Variants in NBPF15 observed in about 807,000 individuals in gnomAD.
The protein encoded by NBPF15 is NBPF family member NBPF15.
A neutral mutation model predicts 62.2 loss-of-function variants in NBPF15; 74 were observed. The ratio of observed to expected loss-of-function variants is 1.19; its 90% confidence interval spans 0.99 to 1.44. NBPF15 has a LOEUF of 1.44. NBPF15 is among the 40% of genes most tolerant of loss of function. The pLI is 0.00. For missense variants in NBPF15, 790 were observed against 550.0 expected, an observed-to-expected ratio of 1.44 and a Z score of -4.36; for synonymous variants, 244 against 209.7, an observed-to-expected ratio of 1.16 and a Z score of -1.41.
chr1:144,422,898 T>G lies in NBPF15; in HGVS notation c.*115A>C. On this transcript the variant is annotated 3_prime_UTR_variant, in exon 22 of 22. Coordinates refer to ENST00000581897, the MANE Select transcript of NBPF15 (RefSeq NM_001385408.1). ...TTTGAGAATAGGAATAGAGCCATGCTCACTGACCCATCCTATGTCTGGGCT... is the reference window on the plus strand; with the variant it reads ...TTTGAGAATAGGAATAGAGCCATGCGCACTGACCCATCCTATGTCTGGGCT... 6.2e-7 allele frequency: 1 copy of G among 1,607,172 alleles called. No homozygotes were observed. The highest frequency in any genetic ancestry group is 8.5e-7 in the Non-Finnish European group (1 of 1,177,568).
chr1:144,423,105 T>A lies in NBPF15; in HGVS notation c.1921A>T (p.Ser641Cys). Residue 641 changes from serine (S) to cysteine (C), a missense_variant, in exon 22 of 22, where the codon AGC (serine) becomes TGC (cysteine). Transcript: ENST00000581897. ...CTATTGTCCACGTAAAGGGCGAAGC[T>A]GATATGCTCTTCCTCAAATGAGTAA... ...VFYSFEEEHI[S>C]FALYVDNRFF... is the part of the protein sequence containing the mutation. The A allele has an allele frequency of 6.2e-7, 1 of 1,611,672 alleles. No homozygotes were observed. The highest frequency in any genetic ancestry group is 8.5e-7 in the Non-Finnish European group (1 of 1,179,628).
intron 17 of NBPF15, 37 bp downstream of exon 17, chr1:144,427,010 A>C (rs1670228933): frequency 1.3e-6 from 1 of 761,164 alleles, no homozygotes; most frequent in Admixed American, 1.7e-5. Flanking sequence ...TCCAGGTGTC[A>C]ACACACAATT....
At chr1:144,429,214 A>C (rs1339823517) in intron 14 of NBPF15, among the ~76,000 whole-genome samples, 2 of 150,468 alleles carry the variant, frequency 1.3e-5, no homozygotes, top group South Asian at 4.2e-4. Flanking sequence ...CTTAGAAGAC[A>C]CAGAAAATGG....
At position 144,461,512 on chromosome 1, in the gene NBPF15, T is replaced by G. The variant is rs1653075733; in HGVS notation, c.-1069A>C. The G allele has an allele frequency of 6.5e-6, 1 of 152,884 alleles. No individual in the cohort carries two copies. The highest frequency in any genetic ancestry group is 2.1e-4 in the South Asian group (1 of 4,828). The allele number at this position is 152,884 out of a possible 1,614,324, so 9.5% of individuals were successfully genotyped here. ...CGCTCCTGGCGCCACAGGTCGCCCG[T>G]CCCGCGTTCCCAAAAGCACCGCGTT... is the stretch of plus-strand genomic sequence containing the variant. On this transcript the variant is annotated 5_prime_UTR_variant, in exon 1 of 22. Coordinates refer to ENST00000581897, the MANE Select transcript of NBPF15 (RefSeq NM_001385408.1).
At chr1:144,455,113 A>AAGGAAGGAAGGAAGGAAGGAAGGAAGGG (rs1206493458) in intron 4 of NBPF15, among the ~76,000 whole-genome samples, 1 of 133,366 alleles carries the variant, frequency 7.5e-6, no homozygotes, top group South Asian at 2.7e-4. Context: ...GGAAGGAAGG[A>AAGGAAGGAAGGAAGGAAGGAAGGAAGGG]AGGGAGGGAG....
intron 4 of NBPF15, 110 bp downstream of exon 4, chr1:144,456,427 G>A (rs1219053120): frequency 1.0e-5 from 8 of 793,718 alleles, no homozygotes; most frequent in East Asian, 6.6e-5. Flanking sequence ...TTCATGCCAG[G>A]CAAGGCCCTG....
chr1:144,431,546 G>C lies in NBPF15; in HGVS notation c.825-1683C>G, dbSNP rs1276103547. ...TTAGGGTACATGTGCACAACGTGCA[G>C]GTTAGTTACATATGTATACATGTCC... On this transcript the variant is annotated intron_variant, in intron 13 of 21. Coordinates refer to ENST00000581897, the MANE Select transcript of NBPF15 (RefSeq NM_001385408.1). 4.7e-5 allele frequency among the ~76,000 whole-genome samples: 7 copies of C among 149,052 alleles called. No homozygotes were observed. The East Asian group carries it at 1.4e-3, about 29-fold the overall frequency.
At chr1:144,433,015 C>T (rs4531337) in intron 13 of NBPF15, among the ~76,000 whole-genome samples, 1 of 151,922 alleles carries the variant, frequency 6.6e-6, no homozygotes, top group African/African-American at 2.4e-5. Context: ...CTTCTCAGCA[C>T]CACATCACAC....
chr1:144,425,061 C>CAT (rs1668653565), intron 19 of NBPF15, among the ~76,000 whole-genome samples, 199 bp from the exon 20 acceptor site: 1 of 44,642 alleles, frequency 2.2e-5, no homozygotes, highest in Non-Finnish European at 6.2e-5. Flanking sequence ...GACAGATAGA[C>CAT]ACACACACAC....
At chr1:144,432,106 C>T (rs1359926891) in intron 13 of NBPF15, among the ~76,000 whole-genome samples, 3 of 152,068 alleles carry the variant, frequency 2.0e-5, no homozygotes, top group Non-Finnish European at 4.4e-5. Context: ...TACAGTCCCA[C>T]CAACAGTGTA....
chr1:144,444,025 G>T (rs1460556917), intron 6 of NBPF15, among the ~76,000 whole-genome samples: 1 of 151,862 alleles, frequency 6.6e-6, no homozygotes, highest in Admixed American at 6.6e-5. Context: ...CTTCTTTCAT[G>T]CATCAATGTA....
At position 144,435,113 on chromosome 1, in the gene NBPF15, G is replaced by A. The variant is rs1677259439; in HGVS notation, c.770C>T (p.Pro257Leu). The A allele has an allele frequency of 2.5e-6, 4 of 1,612,586 alleles. No homozygotes were observed. The highest frequency in any genetic ancestry group is 2.2e-5 in the South Asian group (2 of 91,014). The change falls in exon 12 of 22, where the codon CCA becomes CTA. Residue 257 changes from proline (P) to leucine (L), a missense_variant and splice_region_variant. Pro to Leu is a moderately conservative substitution (Grantham distance 98). Transcript: ENST00000581897. ...GACACAAGGAAAACAGAGGCTACCT[G>A]GAATAATGTGTACAGCATCCTCCCA... is the stretch of plus-strand genomic sequence containing the variant. ...VEWEDAVHII[P>L]ENESDDEEEE...
intron 5 of NBPF15, among the ~76,000 whole-genome samples, chr1:144,449,530 C>G (rs1239456418): frequency 6.3e-4 from 95 of 150,406 alleles, no homozygotes; most frequent in Admixed American, 1.1e-3. Flanking sequence ...CACAAAACAA[C>G]ATGGATGAAT....
At chr1:144,446,549 G>C (rs1687672433) in intron 6 of NBPF15, among the ~76,000 whole-genome samples, 1 of 152,200 alleles carries the variant, frequency 6.6e-6, no homozygotes, top group Non-Finnish European at 1.5e-5. Context: ...AATGTTACCT[G>C]TGGGTTCTTC....
Position 144,423,106 on chromosome 1 carries a change from G to C in NBPF15, c.1920C>G (p.Ile640Met). 8.1e-6 allele frequency: 13 copies of C among 1,611,644 alleles called. No homozygotes were observed. Among genetic ancestry groups the C allele is most frequent in the Non-Finnish European group, 1.1e-5 (13 of 1,179,626 alleles). ...TATTGTCCACGTAAAGGGCGAAGCTGATATGCTCTTCCTCAAATGAGTAAA... is the reference window on the plus strand; with the variant it reads ...TATTGTCCACGTAAAGGGCGAAGCTCATATGCTCTTCCTCAAATGAGTAAA... ...SVFYSFEEEHISFALYVDNRF... is the reference protein window; with the variant it reads ...SVFYSFEEEHMSFALYVDNRF... Residue 640 changes from isoleucine (I) to methionine (M), a missense_variant, in exon 22 of 22, where the codon ATC becomes ATG. Physicochemically the swap from Ile to Met is conservative, Grantham distance 10. Coordinates refer to ENST00000581897, the MANE Select transcript of NBPF15 (RefSeq NM_001385408.1).
chr1:144,436,187 C>T lies in NBPF15; in HGVS notation c.494-334G>A, dbSNP rs1678162957. On this transcript the variant is annotated intron_variant, in intron 10 of 21. Coordinates refer to ENST00000581897, the MANE Select transcript of NBPF15 (RefSeq NM_001385408.1). ...TGATTCCCAGGCACAGGCTTGGTGT[C>T]CCGTCACAGTTTGCATTTCAAACCT... Among the ~76,000 whole-genome samples the T allele has an allele frequency of 2.6e-5, 4 of 152,066 alleles. No individual in the cohort carries two copies. In the South Asian group the frequency reaches 6.2e-4, roughly 24 times the overall value.
At position 144,422,757 on chromosome 1, in the gene NBPF15, T is replaced by A; in HGVS notation, c.*256A>T. On this transcript the variant is annotated 3_prime_UTR_variant, in exon 22 of 22. Transcript: ENST00000581897. The stretch of plus-strand genomic sequence containing the variant: ...TTGTAGCTACCCAGAGATACGTGGT[T>A]CAAATTAAAATGTCTGACTGATCAC... The A allele has an allele frequency of 1.2e-6, 1 of 834,074 alleles. No homozygotes were observed. Among genetic ancestry groups the A allele is most frequent in the Non-Finnish European group, 1.8e-6 (1 of 552,644 alleles). The allele number at this position is 834,074 out of a possible 1,614,324, so 51.7% of individuals were successfully genotyped here.
intron 6 of NBPF15, among the ~76,000 whole-genome samples, chr1:144,443,558 A>T (rs1361722312): frequency 6.6e-5 from 10 of 151,862 alleles, no homozygotes; most frequent in Non-Finnish European, 1.3e-4. Context: ...CTTCCAATCA[A>T]TGAACATGAT....
At chr1:144,432,546 G>A (rs1386742688) in intron 13 of NBPF15, among the ~76,000 whole-genome samples, 36 of 151,852 alleles carry the variant, frequency 2.4e-4, no homozygotes, top group Admixed American at 1.3e-4. Context: ...CCATCAGTGT[G>A]CTGTACTCAG....
Sources: allele counts gnomAD v4.1 joint callset (sites outside exome capture counted in the v4.1 genomes callset), GRCh38; gene constraint gnomAD v4.1.1; transcripts MANE v1.5; gene names NCBI Gene and HGNC (gene_info 2026-07-23, HGNC 2026-07-21).